The following BCAR1 variants were observed in gnomAD, a reference collection of about 807,000 sequenced individuals.
BCAR1 encodes breast cancer anti-estrogen resistance protein 1.
Under a neutral mutation model 67.6 loss-of-function variants are expected in BCAR1, and 30 were observed. The ratio of observed to expected loss-of-function variants is 0.44; its 90% CI spans 0.33 to 0.60. BCAR1 has a LOEUF of 0.60. Ranked by LOEUF, BCAR1 falls within the 20% of genes least tolerant of loss-of-function variation. The pLI is 0.02. For missense variants in BCAR1, 1,313 were observed against 1,222.3 expected (o/e 1.07, Z -1.11); for synonymous variants, 626 against 556.7 (o/e 1.12, Z -1.75).
intron 1 of BCAR1, among the ~76,000 whole-genome samples, chr16:75,243,802 G>T (rs1220871906): frequency 1.3e-5 from 2 of 152,236 alleles, no homozygotes; most frequent in Non-Finnish European, 2.9e-5. Context: ...GAGGGCAGGG[G>T]CGGAGCCTCG....
chr16:75,254,699 A>C (rs1013731686), upstream of BCAR1, among the ~76,000 whole-genome samples: 1 of 152,230 alleles, frequency 6.6e-6, no homozygotes, highest in East Asian at 1.9e-4. Flanking sequence ...CCGGGGCACC[A>C]GCACAGGGCC....
chr16:75,265,216 G>A (rs1239510665), intron 1 of BCAR1: 1 of 152,424 alleles, frequency 6.6e-6, no homozygotes, highest in Non-Finnish European at 1.5e-5. Context: ...CCAGGAAAGT[G>A]AGCCCATCCG....
At chr16:75,264,320 A>G (rs371796923) in intron 1 of BCAR1, 3 of 1,459,092 alleles carry the variant, frequency 2.1e-6, no homozygotes, top group Non-Finnish European at 2.7e-6. Flanking sequence ...GGCCAGAGTG[A>G]CATTCCCTAA....
intron 6 of BCAR1, among the ~76,000 whole-genome samples, chr16:75,233,013 T>C (rs2076954360): frequency 6.6e-6 from 1 of 152,178 alleles, no homozygotes; most frequent in African/African-American, 2.4e-5. Context: ...TTTCCTACCC[T>C]GAAGAACTGA....
At chr16:75,256,848 T>C (rs1455237867) in intron 1 of BCAR1, among the ~76,000 whole-genome samples, 1 of 151,958 alleles carries the variant, frequency 6.6e-6, no homozygotes, top group African/African-American at 2.4e-5. Context: ...GGCTGGCAGG[T>C]GGGGCAGGCA....
At chr16:75,266,259 G>A (rs550041427) in intron 1 of BCAR1, 144 of 164,410 alleles carry the variant, frequency 8.8e-4, no homozygotes, top group African/African-American at 3.2e-3. Context: ...GCGCAGACCG[G>A]GAGGGCTCGG....
At chr16:75,239,268 C>G (rs1005728345) in intron 2 of BCAR1, among the ~76,000 whole-genome samples, 3 of 152,112 alleles carry the variant, frequency 2.0e-5, no homozygotes, top group Admixed American at 6.5e-5. Context: ...AGCCAGAGCC[C>G]AGGAGGAGAG....
At chr16:75,265,286 G>C (rs1241786842) in intron 1 of BCAR1, 1 of 152,362 alleles carries the variant, frequency 6.6e-6, no homozygotes, top group East Asian at 1.9e-4. Context: ...GGGTGGCTCC[G>C]GCGACTGGCA....
At chr16:75,264,115 C>T (rs2077958054) in intron 1 of BCAR1, 1 of 1,289,232 alleles carries the variant, frequency 7.8e-7, no homozygotes, top group Non-Finnish European at 9.8e-7. Context: ...CCTATCTGTC[C>T]AAGTCCTACC....
intron 5 of BCAR1, 34 bp downstream of exon 5, chr16:75,234,855 G>A: frequency 4.0e-6 from 6 of 1,516,546 alleles, no homozygotes; most frequent in Non-Finnish European, 5.3e-6. Context: ...CAGCGTGGCA[G>A]AAGAGGAGCC....
chr16:75,252,452 G>T, upstream of BCAR1: 1 of 1,422,904 alleles, frequency 7.0e-7, no homozygotes, highest in Admixed American at 2.6e-5. Context: ...ACCGAGTGGA[G>T]ACAACCTTGG....
chr16:75,248,304 A>G (rs534040600), intron 1 of BCAR1: 5 of 1,393,220 alleles, frequency 3.6e-6, no homozygotes, highest in Non-Finnish European at 3.7e-6. Flanking sequence ...AGCCTCGCAC[A>G]TAGCAGGCAC....
At chr16:75,244,888 G>T (rs533493929) in intron 1 of BCAR1, among the ~76,000 whole-genome samples, 1 of 152,236 alleles carries the variant, frequency 6.6e-6, no homozygotes, top group Admixed American at 6.5e-5. Flanking sequence ...CCTGTGAAAC[G>T]TAAAGACAAG....
intron 1 of BCAR1, among the ~76,000 whole-genome samples, chr16:75,245,745 A>G: frequency 6.6e-6 from 1 of 151,980 alleles, no homozygotes; most frequent in Non-Finnish European, 1.5e-5. Flanking sequence ...TGAGCTCTGG[A>G]CGCTGCTGGT....
chr16:75,233,889 C>A lies in BCAR1; in HGVS notation c.2057G>T (p.Gly686Val). 1 of 1,610,854 alleles carries A rather than the reference C, an allele frequency of 6.2e-7. No individual in the cohort carries two copies. Among genetic ancestry groups the A allele is most frequent in the Non-Finnish European group, 8.5e-7 (1 of 1,178,742 alleles). ...GCTCTTGCCCTGCCGCGTGATGCTG[C>A]CCTTTTCCAGCAGCTCCTTCTGGGT... ...EKTQKELLEK[G>V]SITRQGKSQL... Residue 686 changes from glycine (G) to valine (V), a missense_variant, in exon 6 of 7, where the codon GGC (glycine) becomes GTC (valine). Transcript: ENST00000162330.
At chr16:75,248,077 C>T (rs2077573508) in intron 1 of BCAR1, 3 of 1,587,448 alleles carry the variant, frequency 1.9e-6, no homozygotes, top group Non-Finnish European at 2.6e-6. Context: ...GACAGGAAAA[C>T]CAAGGCTCAG....
chr16:75,236,285 T>A (rs1209815018), intron 4 of BCAR1: 1 of 476,636 alleles, frequency 2.1e-6, no homozygotes, highest in Non-Finnish European at 3.7e-6. Context: ...TGGGAGAGCT[T>A]CCTCCCAAAG....
chr16:75,247,991 G>T, intron 1 of BCAR1: 1 of 986,482 alleles, frequency 1.0e-6, no homozygotes, highest in Non-Finnish European at 1.6e-6. Flanking sequence ...GGGAGGCAGA[G>T]CTCTTTCCCA....
Position 75,235,309 on chromosome 16 carries a change from GGCA to G in BCAR1, c.1587_1589del (p.Ala530del), listed in dbSNP as rs866850035. 1.2e-6 allele frequency: 2 copies of G among 1,604,584 alleles called. No individual in the cohort carries two copies. Among genetic ancestry groups the G allele is most frequent in the East Asian group, 2.2e-5 (1 of 44,644 alleles). ...CATGCAGGGCACGGTCAGATGTGTG[GGCA>G]GCATTGCCCACCGCGCTGCGGGCAA... On this transcript the variant is annotated inframe_deletion, in exon 5 of 7. Coordinates refer to ENST00000162330, the MANE Select transcript of BCAR1 (RefSeq NM_014567.5).
Sources: gnomAD v4.1 joint callset for allele counts (sites outside exome capture counted in the v4.1 genomes callset) on GRCh38, gnomAD v4.1.1 for gene constraint, MANE v1.5 for transcripts, NCBI Gene and HGNC (gene_info 2026-07-23, HGNC 2026-07-21) for gene names.